Variants in GGTA1 observed in about 807,000 individuals in gnomAD.
GGTA1 encodes glycoprotein alpha-galactosyltransferase 1 (inactive).
GGTA1 carries 5 observed loss-of-function variants against 2.6 expected under a neutral mutation model. The ratio of observed to expected loss-of-function variants is 1.92; its 90% CI spans 1.00 to 4.04. The LOEUF (loss-of-function observed/expected upper bound fraction) is 4.04. Among genes scored for constraint, GGTA1 ranks in the 30% most tolerant of loss-of-function variants. The pLI is 0.00. For synonymous variants in GGTA1, 17 were observed against 5.0 expected (o/e 3.38, Z -3.19); for missense variants, 50 against 16.7 (o/e 2.99, Z -3.47).
chr9:121,451,386 C>A (rs4837852), downstream of GGTA1, among the ~76,000 whole-genome samples: 1 of 151,892 alleles, frequency 6.6e-6, no homozygotes, highest in African/African-American at 2.4e-5. Context: ...GGGGTTTCAC[C>A]GTGTTAGCTA....
intron 1 of GGTA1, among the ~76,000 whole-genome samples, chr9:121,475,784 G>A (rs77613151): frequency 0.078 from 11,845 of 152,208 alleles, 510 homozygotes; most frequent in African/African-American, 0.1. Flanking sequence ...GGGGAAGGGT[G>A]CAGTAATTAA....
chr9:121,449,839 C>CAAAAAA (rs35123086), intron 7 of GGTA1, among the ~76,000 whole-genome samples: 1 of 94,272 alleles, frequency 1.1e-5, no homozygotes, highest in African/African-American at 4.4e-5. Flanking sequence ...GACTCCATCT[C>CAAAAAA]AAAAAAAAAA....
At chr9:121,462,086 G>A (rs2064964866) in intron 3 of GGTA1, among the ~76,000 whole-genome samples, 1 of 152,230 alleles carries the variant, frequency 6.6e-6, no homozygotes, top group African/African-American at 2.4e-5. Flanking sequence ...TACTTTGGGA[G>A]GCAAAGGCCA....
At chr9:121,480,061 C>CTTTTCTTTTCTTTTCTTTT (rs58602847) in intron 1 of GGTA1, among the ~76,000 whole-genome samples, 4,041 of 139,640 alleles carry the variant, frequency 0.029, 87 homozygotes, top group Non-Finnish European at 0.045. Flanking sequence ...CTTTTCTTTT[C>CTTTTCTTTTCTTTTCTTTT]TTTTTTTTTT....
Position 121,472,715 on chromosome 9 carries a change from G to A in GGTA1, c.-9-4784C>T, listed in dbSNP as rs145633436. 6.6e-5 allele frequency among the ~76,000 whole-genome samples: 10 copies of A among 152,314 alleles called. No homozygotes were observed. In the East Asian group the frequency reaches 1.2e-3, roughly 18 times the overall value. The stretch of plus-strand genomic sequence containing the variant: ...GCTACAACCCCCTATGTGTGCCGAG[G>A]AGGCAACAGAGAGGCTGGCTGTGTG... On this transcript the variant is annotated intron_variant, in intron 1 of 5. Transcript: ENST00000481799.
At chr9:121,491,523 G>A (rs1828867828) in intron 1 of GGTA1, among the ~76,000 whole-genome samples, 1 of 152,002 alleles carries the variant, frequency 6.6e-6, no homozygotes, top group Admixed American at 6.6e-5. Flanking sequence ...CATTTCCCCT[G>A]GCCACCTCCC....
chr9:121,464,324 G>GTTTTTTT (rs10681377), intron 2 of GGTA1, among the ~76,000 whole-genome samples: 6 of 111,876 alleles, frequency 5.4e-5, no homozygotes, highest in African/African-American at 1.0e-4. Flanking sequence ...CCTCCTTGAG[G>GTTTTTTT]TTTTTTTTTT....
chr9:121,479,247 G>A (rs1431119573), intron 1 of GGTA1: 7 of 386,692 alleles, frequency 1.8e-5, no homozygotes, highest in Non-Finnish European at 2.5e-5. Flanking sequence ...TCACCCCAGA[G>A]TAAAAGGCAA....
intron 1 of GGTA1, among the ~76,000 whole-genome samples, chr9:121,489,267 C>G (rs571879185): frequency 6.6e-6 from 1 of 152,192 alleles, no homozygotes; most frequent in Non-Finnish European, 1.5e-5. Context: ...GGCATGATCA[C>G]TGCTCACTGC....
At chr9:121,472,706 T>C (rs1300480895) in intron 1 of GGTA1, among the ~76,000 whole-genome samples, 1 of 152,284 alleles carries the variant, frequency 6.6e-6, no homozygotes, top group South Asian at 2.1e-4. Flanking sequence ...ACCCCCTATG[T>C]GTGCCGAGGA....
intron 5 of GGTA1, among the ~76,000 whole-genome samples, chr9:121,456,527 C>G (rs538616898): frequency 6.6e-6 from 1 of 152,168 alleles, no homozygotes; most frequent in Non-Finnish European, 1.5e-5. Flanking sequence ...AAGTGATTCT[C>G]CTGCCTCAGC....
intron 1 of GGTA1, among the ~76,000 whole-genome samples, chr9:121,496,958 G>A (rs138433586): frequency 4.1e-4 from 63 of 151,890 alleles, no homozygotes; most frequent in Non-Finnish European, 7.2e-4. Flanking sequence ...TTTGGGAGGC[G>A]GAGGTGGGTG....
chr9:121,496,599 G>T (rs1828996707), intron 1 of GGTA1, among the ~76,000 whole-genome samples: 1 of 151,280 alleles, frequency 6.6e-6, no homozygotes, highest in African/African-American at 2.4e-5. Context: ...CAGTGTGGTG[G>T]CAGGTGCCTG....
At chr9:121,486,963 C>A (rs1415269382) in intron 1 of GGTA1, among the ~76,000 whole-genome samples, 1 of 152,170 alleles carries the variant, frequency 6.6e-6, no homozygotes, top group African/African-American at 2.4e-5. Flanking sequence ...GTCCACACCA[C>A]ACGTCTCAGA....
chr9:121,453,839 TCA>T (rs2064891444), downstream of GGTA1, among the ~76,000 whole-genome samples: 1 of 152,086 alleles, frequency 6.6e-6, no homozygotes, highest in Admixed American at 6.5e-5. Context: ...TACAGCTGGG[TCA>T]TCCCCTGCCT....
At chr9:121,479,112 G>A (rs1828579787) in intron 1 of GGTA1, 1 of 456,458 alleles carries the variant, frequency 2.2e-6, no homozygotes, top group African/African-American at 2.0e-5. Flanking sequence ...CACTGCTGGA[G>A]AGACAAGGAC....
downstream of GGTA1, among the ~76,000 whole-genome samples, chr9:121,451,371 G>A (rs2064877373): frequency 6.6e-6 from 1 of 152,110 alleles, no homozygotes; most frequent in Non-Finnish European, 1.5e-5. Context: ...ATTTTTCATA[G>A]AGACGGGGTT....
At chr9:121,494,045 C>T (rs1477950198) in intron 1 of GGTA1, among the ~76,000 whole-genome samples, 1 of 152,142 alleles carries the variant, frequency 6.6e-6, no homozygotes, top group African/African-American at 2.4e-5. Flanking sequence ...TCGTGAACCA[C>T]CGCACCCAGC....
Position 121,499,800 on chromosome 9 carries a change from T to A in GGTA1, c.-160A>T, listed in dbSNP as rs1393775987. The stretch of plus-strand genomic sequence containing the variant: ...GAGCGGAGGCGCGTCCTCCCGCCCG[T>A]GGGCCGGCCGGCCGGGCTTCTGCTC... On this transcript the variant is annotated 5_prime_UTR_variant, in exon 1 of 6. Coordinates refer to ENST00000481799, the MANE Select transcript of GGTA1 (RefSeq NM_001382585.1). The A allele has an allele frequency of 6.6e-6, 1 of 151,508 alleles. No individual in the cohort carries two copies. Among genetic ancestry groups the A allele is most frequent in the East Asian group, 2.0e-4 (1 of 5,116 alleles). The allele number at this position is 151,508 out of a possible 1,614,324, so 9.4% of individuals were successfully genotyped here.
Sources: gnomAD v4.1 joint callset for allele counts (sites outside exome capture counted in the v4.1 genomes callset) on GRCh38, gnomAD v4.1.1 for gene constraint, MANE v1.5 for transcripts, NCBI Gene and HGNC (gene_info 2026-07-23, HGNC 2026-07-21) for gene names.